Variants in ENDOD1 observed in about 807,000 individuals in gnomAD.
ENDOD1 encodes the protein endonuclease domain-containing 1 protein.
A neutral mutation model predicts 6.5 loss-of-function variants in ENDOD1; 9 were observed. The observed-to-expected ratio is 1.39, with a 90% CI of 0.84 to 2.43. The LOEUF (loss-of-function observed/expected upper bound fraction) is 2.43. ENDOD1 is among the 30% of genes most tolerant of loss of function. ENDOD1 has a pLI of 0.00. For synonymous variants in ENDOD1, 255 were observed against 255.2 expected, an observed-to-expected ratio of 1.00 and a Z score of 0.01; for missense variants, 648 against 635.5, an observed-to-expected ratio of 1.02 and a Z score of -0.21.
rs887562263 is a variant in ENDOD1 at position 95,130,722 on chromosome 11, T to C, written c.*1143T>C. 4.6e-5 allele frequency: 7 copies of C among 152,278 alleles called. No individual in the cohort carries two copies. The highest frequency in any genetic ancestry group is 1.7e-4 in the African/African-American group (7 of 41,554). 9.4% of individuals were successfully genotyped at this position (152,278 alleles called of 1,614,324 possible). A position where few individuals can be genotyped will look rare whatever the true frequency, so the allele number is the denominator to read the frequency against. ...AGAATAATTATATCTTAGGAAATTA[T>C]TTTTACAGTGTGTTTGAGGCTACAA... On this transcript the variant is annotated 3_prime_UTR_variant, in exon 2 of 2. Transcript: ENST00000278505.
In ENDOD1 at chr11:95,090,050, G is replaced by T. The variant is rs567705285; in HGVS notation, c.123G>T (p.Gly41=). ...FGECDKFFYA[G]TPPAGLAADS... is the part of the protein sequence containing the mutation. ...AATGTGACAAGTTCTTCTACGCCGG[G>T]ACCCCGCCTGCGGGGCTGGCGGCCG... The change falls in exon 1 of 2, where the codon GGG becomes GGT. Residue 41 remains glycine (G), a synonymous_variant. Transcript: ENST00000278505. 1.2e-6 allele frequency: 2 copies of T among 1,602,156 alleles called. No homozygotes were observed. The highest frequency in any genetic ancestry group is 1.7e-6 in the Non-Finnish European group (2 of 1,175,700).
intron 1 of ENDOD1, among the ~76,000 whole-genome samples, chr11:95,111,676 T>A (rs1339383847): frequency 6.6e-6 from 1 of 152,110 alleles, no homozygotes; most frequent in Admixed American, 6.5e-5. Context: ...GAGGCAGAGC[T>A]TAGACGGTGA....
At chr11:95,114,283 A>AT (rs1230094388) in intron 1 of ENDOD1, among the ~76,000 whole-genome samples, 2 of 147,512 alleles carry the variant, frequency 1.4e-5, no homozygotes, top group African/African-American at 5.4e-5. Context: ...TGCCTAGCTA[A>AT]TTTTTTGTAG....
At chr11:95,101,805 C>T (rs1352013528) in intron 1 of ENDOD1, among the ~76,000 whole-genome samples, 2 of 151,348 alleles carry the variant, frequency 1.3e-5, no homozygotes, top group African/African-American at 2.4e-5. Flanking sequence ...TGTAGGGACC[C>T]CTTTAGTAGG....
intron 1 of ENDOD1, among the ~76,000 whole-genome samples, chr11:95,106,690 C>G (rs1344486943): frequency 6.6e-6 from 1 of 152,116 alleles, no homozygotes; most frequent in Admixed American, 6.5e-5. Flanking sequence ...TGTTCTCTAC[C>G]TTGGCATTAT....
chr11:95,097,775 A>G (rs1555110471), intron 1 of ENDOD1, among the ~76,000 whole-genome samples: 4 of 152,214 alleles, frequency 2.6e-5, no homozygotes, highest in Non-Finnish European at 5.9e-5. Context: ...GAAAGAGCTC[A>G]TAGTCTTTGG....
chr11:95,126,159 T>C (rs912996306), intron 1 of ENDOD1, among the ~76,000 whole-genome samples: 2 of 152,210 alleles, frequency 1.3e-5, no homozygotes, highest in Admixed American at 1.3e-4. Flanking sequence ...TCAGCAAATA[T>C]TCTTGCCTTT....
rs144174358 is a variant in ENDOD1 at position 95,117,060 on chromosome 11, A to G, written c.301-11317A>G. Among the ~76,000 whole-genome samples, 65 of 152,346 alleles carry G rather than the reference A, an allele frequency of 4.3e-4. No individual in the cohort carries two copies. In the East Asian group the frequency reaches 7.7e-3, roughly 18 times the overall value. On this transcript the variant is annotated intron_variant, in intron 1 of 1. Coordinates refer to ENST00000278505, the MANE Select transcript of ENDOD1 (RefSeq NM_015036.3). ...CTGTCCAATGCTGAAAGTGGTGTGT[A>G]GAAATCTTTAGCTATTGTTGTATTG...
At chr11:95,095,043 G>GCACGCA (rs1858970147) in intron 1 of ENDOD1, among the ~76,000 whole-genome samples, 1 of 147,902 alleles carries the variant, frequency 6.8e-6, no homozygotes, top group South Asian at 2.1e-4. Context: ...GCGTGTGCAC[G>GCACGCA]CACACACACA....
chr11:95,098,431 T>C (rs1859007123), intron 1 of ENDOD1, among the ~76,000 whole-genome samples: 2 of 152,218 alleles, frequency 1.3e-5, no homozygotes, highest in Non-Finnish European at 2.9e-5. Context: ...GTTGTGATTG[T>C]ATCATGGGTA....
chr11:95,111,736 ACCC>A (rs1355292796), intron 1 of ENDOD1, among the ~76,000 whole-genome samples: 2 of 152,000 alleles, frequency 1.3e-5, no homozygotes, highest in African/African-American at 4.8e-5. Context: ...TCGCTTGCTC[ACCC>A]ACTGTTCACC....
rs1220487267 is a variant in ENDOD1 at position 95,129,759 on chromosome 11, G to A, written c.*180G>A. The stretch of plus-strand genomic sequence containing the variant: ...ACTTGACAGAGGAGAAATGCTCAGG[G>A]TGAGATTAGGTGTAGTAATCTGCTG... On this transcript the variant is annotated 3_prime_UTR_variant, in exon 2 of 2. Transcript: ENST00000278505. 1.6e-6 allele frequency: 1 copy of A among 640,362 alleles called. No individual in the cohort carries two copies. The highest frequency in any genetic ancestry group is 2.0e-5 in the South Asian group (1 of 50,006). The allele number at this position is 640,362 out of a possible 1,614,324, so 39.7% of individuals were successfully genotyped here.
chr11:95,106,304 G>A (rs1290578431), intron 1 of ENDOD1, among the ~76,000 whole-genome samples: 1 of 152,220 alleles, frequency 6.6e-6, no homozygotes, highest in East Asian at 1.9e-4. Context: ...GAGGAATGGT[G>A]AAAGCATCCC....
chr11:95,120,727 C>T (rs1458286167), intron 1 of ENDOD1, among the ~76,000 whole-genome samples: 7 of 152,112 alleles, frequency 4.6e-5, no homozygotes, highest in Non-Finnish European at 8.8e-5. Flanking sequence ...CCCAGTTCAG[C>T]ACTAGGACTC....
Position 95,128,357 on chromosome 11 carries a change from C to T in ENDOD1, c.301-20C>T, listed in dbSNP as rs1005254858. ...TGCTGTAAGCAGGGATGCATCTCAC[C>T]ACTTGTTTTCTTCTTGCAGATCGAT... On this transcript the variant is annotated intron_variant, in intron 1 of 1. Coordinates refer to ENST00000278505, the MANE Select transcript of ENDOD1 (RefSeq NM_015036.3). 1 of 1,600,730 alleles carries T rather than the reference C, an allele frequency of 6.2e-7. No homozygotes were observed. The highest frequency in any genetic ancestry group is 1.3e-5 in the African/African-American group (1 of 74,890).
intron 1 of ENDOD1, among the ~76,000 whole-genome samples, chr11:95,095,263 T>C (rs1385107707): frequency 6.6e-6 from 1 of 151,794 alleles, no homozygotes; most frequent in East Asian, 1.9e-4. Context: ...TGGATTTGAG[T>C]GATTAAAAGC....
intron 1 of ENDOD1, among the ~76,000 whole-genome samples, chr11:95,103,065 C>T (rs907540233): frequency 4.6e-5 from 7 of 151,544 alleles, no homozygotes; most frequent in Non-Finnish European, 5.9e-5. Flanking sequence ...ATTTCTCCCA[C>T]AGTTAAAGAG....
chr11:95,120,867 T>C (rs1245537723), intron 1 of ENDOD1, among the ~76,000 whole-genome samples: 1 of 152,226 alleles, frequency 6.6e-6, no homozygotes, highest in Admixed American at 6.5e-5. Context: ...AGCTTTTCTC[T>C]GGCTAGGGCT....
At chr11:95,107,378 T>C (rs1309514378) in intron 1 of ENDOD1, among the ~76,000 whole-genome samples, 2 of 151,546 alleles carry the variant, frequency 1.3e-5, no homozygotes, top group African/African-American at 4.8e-5. Context: ...CCTGAGGATA[T>C]TTTTAAAGCT....
Sources: gnomAD v4.1 joint callset for allele counts (sites outside exome capture counted in the v4.1 genomes callset) on GRCh38, gnomAD v4.1.1 for gene constraint, MANE v1.5 for transcripts, NCBI Gene and HGNC (gene_info 2026-07-23, HGNC 2026-07-21) for gene names.